The following KANK1 variants were observed in gnomAD, a reference collection of about 807,000 sequenced individuals.
KANK1 encodes the protein KN motif and ankyrin repeat domain-containing protein 1.
A neutral mutation model predicts 106.2 loss-of-function variants in KANK1; 109 were observed. The observed-to-expected ratio is 1.03, with a 90% confidence interval of 0.88 to 1.20. The LOEUF is 1.20. Ranked by LOEUF, KANK1 falls within the 50% of genes most tolerant of loss-of-function variation. KANK1 has a pLI of 0.00. For missense variants in KANK1, 2,399 were observed against 1,710.7 expected, an observed-to-expected ratio of 1.40 and a Z score of -7.10; for synonymous variants, 873 against 652.2, an observed-to-expected ratio of 1.34 and a Z score of -5.16.
chr9:476,066 T>C (rs2058097371), intron 3 of KANK1, among the ~76,000 whole-genome samples: 1 of 150,804 alleles, frequency 6.6e-6, no homozygotes, highest in Non-Finnish European at 1.5e-5. Flanking sequence ...TTGACCAAGC[T>C]AGTCTTGAAC....
chr9:479,587 G>C (rs10815059), intron 3 of KANK1, among the ~76,000 whole-genome samples: 37,452 of 152,182 alleles, frequency 0.25, 4,997 homozygotes, highest in East Asian at 0.42. Context: ...CCAGCATCTT[G>C]ATTCAGATTG....
chr9:647,075 C>T (rs1002481998), intron 1 of KANK1, among the ~76,000 whole-genome samples: 2 of 151,052 alleles, frequency 1.3e-5, no homozygotes, highest in Admixed American at 6.6e-5. Context: ...AGAAGCCATC[C>T]CCATGACTTT....
chr9:531,792 CCTCA>C (rs1268818244), intron 1 of KANK1, among the ~76,000 whole-genome samples: 5 of 152,222 alleles, frequency 3.3e-5, no homozygotes, highest in African/African-American at 1.2e-4. Context: ...TGGCGTCTGT[CCTCA>C]CTGTTACTCT....
rs541340005 is a variant in KANK1 at position 641,619 on chromosome 9, C to T, written c.-83-35271C>T. Among the ~76,000 whole-genome samples, 7 of 152,158 alleles carry T rather than the reference C, an allele frequency of 4.6e-5. No individual in the cohort carries two copies. The South Asian group carries it at 1.2e-3, about 27-fold the overall frequency. ...TCCTCAAATCCTAACTGCAAGGAAG[C>T]GTAGCCTGTGTCCTTTGTTGATGGA... is the stretch of plus-strand genomic sequence containing the variant. On this transcript the variant is annotated intron_variant, in intron 1 of 11. Coordinates refer to ENST00000382297, the MANE Select transcript of KANK1 (RefSeq NM_015158.5).
At chr9:572,061 G>A (rs1427827727) in intron 1 of KANK1, among the ~76,000 whole-genome samples, 1 of 151,630 alleles carries the variant, frequency 6.6e-6, no homozygotes, top group East Asian at 1.9e-4. Flanking sequence ...CTTTTTTAGG[G>A]CATTTCAGTT....
chr9:594,493 C>T (rs1231717595), intron 1 of KANK1, among the ~76,000 whole-genome samples: 3 of 151,814 alleles, frequency 2.0e-5, no homozygotes, highest in Admixed American at 6.6e-5. Context: ...GTCTCTAAAT[C>T]CTCCACCTTA....
intron 1 of KANK1, among the ~76,000 whole-genome samples, chr9:603,084 T>A (rs1828185862): frequency 1.3e-5 from 2 of 151,878 alleles, no homozygotes; most frequent in Non-Finnish European, 2.9e-5. Flanking sequence ...AAGAGTCTCT[T>A]ATTCTCTTTT....
intron 1 of KANK1, among the ~76,000 whole-genome samples, chr9:515,955 G>T (rs2059261401): frequency 6.6e-6 from 1 of 151,574 alleles, no homozygotes; most frequent in Non-Finnish European, 1.5e-5. Context: ...TTTTATTCTG[G>T]GCACCTATTT....
At chr9:662,911 C>G (rs971887019) in intron 1 of KANK1, among the ~76,000 whole-genome samples, 2 of 152,194 alleles carry the variant, frequency 1.3e-5, no homozygotes, top group Admixed American at 1.3e-4. Flanking sequence ...ATCCACCCAC[C>G]TTGGCCTCCC....
intron 1 of KANK1, among the ~76,000 whole-genome samples, chr9:593,451 T>TCCC (rs34970472): frequency 7.8e-5 from 11 of 140,708 alleles, no homozygotes; most frequent in African/African-American, 2.9e-4. Flanking sequence ...CTTTATACAT[T>TCCC]CCCCCCCCCC....
At chr9:548,233 T>C (rs2061051872) in intron 1 of KANK1, among the ~76,000 whole-genome samples, 1 of 152,194 alleles carries the variant, frequency 6.6e-6, no homozygotes, top group Non-Finnish European at 1.5e-5. Flanking sequence ...CTAAACCACA[T>C]TACACATCTT....
At chr9:615,260 A>G (rs1831530503) in intron 1 of KANK1, among the ~76,000 whole-genome samples, 2 of 152,212 alleles carry the variant, frequency 1.3e-5, no homozygotes, top group African/African-American at 2.4e-5. Context: ...TGATACCAAC[A>G]TACTATAAAT....
chr9:615,935 C>T (rs1831709757), intron 1 of KANK1, among the ~76,000 whole-genome samples: 1 of 152,126 alleles, frequency 6.6e-6, no homozygotes. Context: ...CAGCTGATAG[C>T]ATATGTTCAA....
chr9:697,765 A>G (rs560363621), intron 2 of KANK1, among the ~76,000 whole-genome samples: 3 of 152,264 alleles, frequency 2.0e-5, no homozygotes, highest in Non-Finnish European at 2.9e-5. Flanking sequence ...TTCATGCTCA[A>G]ATTATCCTAG....
intron 1 of KANK1, among the ~76,000 whole-genome samples, chr9:529,238 C>T (rs1462453107): frequency 6.6e-6 from 1 of 150,390 alleles, no homozygotes; most frequent in African/African-American, 2.5e-5. Flanking sequence ...TATATATACA[C>T]ACACACACAC....
chr9:720,341 G>T (rs1828967188), intron 3 of KANK1, among the ~76,000 whole-genome samples: 1 of 152,134 alleles, frequency 6.6e-6, no homozygotes, highest in South Asian at 2.1e-4. Flanking sequence ...TACTCCACAT[G>T]TTGCTGTCGT....
intron 10 of KANK1, 84 bp downstream of exon 10, chr9:742,489 G>T: frequency 9.8e-7 from 1 of 1,018,266 alleles, no homozygotes; most frequent in Non-Finnish European, 1.4e-6. Context: ...GGCCAGGAGC[G>T]ACCAAATCCT....
rs201207109 is a variant in KANK1, at chr9:732,617, G to A, written c.3245G>A (p.Arg1082Lys). The A allele has an allele frequency of 2.9e-5, 47 of 1,613,176 alleles. No homozygotes were observed. Among genetic ancestry groups the A allele is most frequent in the Non-Finnish European group, 5.9e-6 (7 of 1,179,358 alleles). ...CEPEKVEIRE[R>K]YELSEKMLSA... ...CCTGAGAAGGTGGAAATCAGAGAGAGGTGTGGTACATTCCCCTTCCCTCCC... is the reference window on the plus strand; with the variant it reads ...CCTGAGAAGGTGGAAATCAGAGAGAAGTGTGGTACATTCCCCTTCCCTCCC... The change falls in exon 6 of 12, where the codon AGG becomes AAG. Residue 1082 changes from arginine (R) to lysine (K), a missense_variant and splice_region_variant. Coordinates refer to ENST00000382297, the MANE Select transcript of KANK1 (RefSeq NM_015158.5).
chr9:500,142 T>A (rs777351701), upstream of KANK1, among the ~76,000 whole-genome samples: 18 of 152,200 alleles, frequency 1.2e-4, no homozygotes, highest in Admixed American at 6.5e-5. Context: ...TAACTCAAAA[T>A]GGTCAACATG....
Sources: allele counts gnomAD v4.1 joint callset (sites outside exome capture counted in the v4.1 genomes callset), GRCh38; gene constraint gnomAD v4.1.1; transcripts MANE v1.5; gene names NCBI Gene and HGNC (gene_info 2026-07-23, HGNC 2026-07-21).